Variants in JAKMIP3 observed in about 807,000 individuals in gnomAD.
The protein encoded by JAKMIP3 is Janus kinase and microtubule interacting protein 3, also known as janus kinase and microtubule-interacting protein 3.
Under a neutral mutation model 118.5 loss-of-function variants are expected in JAKMIP3, and 58 were observed. The observed-to-expected ratio is 0.49, with a 90% CI of 0.40 to 0.61. The LOEUF is 0.61. Ranked by LOEUF, JAKMIP3 falls within the 20% of genes least tolerant of loss-of-function variation. The pLI is 0.00. For missense variants in JAKMIP3, 950 were observed against 1,109.0 expected, an observed-to-expected ratio of 0.86 and a Z score of 2.04; for synonymous variants, 486 against 451.2, an observed-to-expected ratio of 1.08 and a Z score of -0.98.
chr10:132,138,015 G>A (rs756633633), intron 8 of JAKMIP3, 104 bp from the exon 9 acceptor site: 76 of 1,102,160 alleles, frequency 6.9e-5, no homozygotes, highest in Admixed American at 2.9e-4. Flanking sequence ...CCCAGACACC[G>A]TCTTCCCTGT....
rs146722402 is a variant in JAKMIP3, at chr10:132,117,467, A to G, written c.526A>G (p.Ile176Val). The change falls in exon 3 of 24, where the codon ATC (isoleucine) becomes GTC (valine). Residue 176 changes from isoleucine to valine, a missense_variant. Ile to Val is a conservative substitution (Grantham distance 29, BLOSUM62 3). Transcript: ENST00000684848. The surrounding 1 kb of genome is among the most constrained non-coding windows in gnomAD (Gnocchi z 8.6). ...RQVEEALTLV[I>V]QADKIKAAEI... The stretch of plus-strand genomic sequence containing the variant: ...GGTGGAGGAGGCGCTGACGCTGGTG[A>G]TCCAAGCGGACAAGATCAAGGCCGC... 8.5e-4 allele frequency: 1,371 copies of G among 1,613,828 alleles called. 12 individuals are homozygous for G. Among genetic ancestry groups the G allele is most frequent in the Middle Eastern group, 1.7e-4 (1 of 6,018 alleles).
intron 1 of JAKMIP3, among the ~76,000 whole-genome samples, chr10:132,059,061 G>C (rs1420423077): frequency 6.6e-6 from 1 of 152,260 alleles, no homozygotes; most frequent in East Asian, 1.9e-4. Context: ...GTCTGACTCT[G>C]AACAGCTGTT....
intron 1 of JAKMIP3, among the ~76,000 whole-genome samples, chr10:132,095,580 A>C (rs938568889): frequency 2.0e-5 from 3 of 152,206 alleles, no homozygotes; most frequent in Admixed American, 1.3e-4. Context: ...CAGGTCCTGC[A>C]GGAGCAATCT....
chr10:132,087,756 G>C (rs574197207), intron 1 of JAKMIP3, among the ~76,000 whole-genome samples: 2 of 151,044 alleles, frequency 1.3e-5, no homozygotes, highest in African/African-American at 4.9e-5. Flanking sequence ...TGTGCACAAC[G>C]TGCAGGTTAG....
chr10:132,093,807 A>G (rs2043444539), intron 1 of JAKMIP3, among the ~76,000 whole-genome samples: 1 of 152,004 alleles, frequency 6.6e-6, no homozygotes, highest in African/African-American at 2.4e-5. Context: ...AAATGCAGAA[A>G]TCACCCCCAT....
chr10:132,070,938 T>C (rs1173582235), intron 1 of JAKMIP3, among the ~76,000 whole-genome samples: 1 of 152,220 alleles, frequency 6.6e-6, no homozygotes, highest in South Asian at 2.1e-4. Context: ...TTTACTTTTC[T>C]TTTTTCTATG....
intron 16 of JAKMIP3, among the ~76,000 whole-genome samples, chr10:132,152,229 G>A (rs763583473): frequency 2.6e-4 from 39 of 152,320 alleles, no homozygotes; most frequent in South Asian, 1.0e-3. Context: ...TGGGGTTGGG[G>A]GACAGCAAGA....
rs1314068125 is a variant in JAKMIP3, at chr10:132,167,977, C to T, written c.*47C>T. The T allele has an allele frequency of 6.2e-6, 8 of 1,289,476 alleles. No homozygotes were observed. Among genetic ancestry groups the T allele is most frequent in the Middle Eastern group, 2.1e-4 (1 of 4,718 alleles). The allele number at this position is 1,289,476 out of a possible 1,614,324, so 79.9% of individuals were successfully genotyped here. ...GCCCCACATTGAATCGGACCCTTTT[C>T]CTCCAGTGGGACCAGAAAGCAGGGA... On this transcript the variant is annotated 3_prime_UTR_variant, in exon 23 of 24. Coordinates refer to ENST00000684848, the MANE Select transcript of JAKMIP3 (RefSeq NM_001323087.2).
At chr10:132,043,483 A>G (rs896536937) in intron 1 of JAKMIP3, among the ~76,000 whole-genome samples, 2 of 152,362 alleles carry the variant, frequency 1.3e-5, no homozygotes, top group Admixed American at 6.5e-5. Flanking sequence ...AGTCTGGTGC[A>G]GCACCGCAGA....
In JAKMIP3 at chr10:132,168,099, G is replaced by A. The variant is rs1394440646; in HGVS notation, c.*169G>A. On this transcript the variant is annotated 3_prime_UTR_variant, in exon 23 of 24. Transcript: ENST00000684848. ...GAAGAGTGAGAAGGGGCAGTGTGTG[G>A]GGCGTGGAGCTGCCGTCCACGTGGG... The A allele has an allele frequency of 7.8e-7, 1 of 1,289,208 alleles. No homozygotes were observed. The highest frequency in any genetic ancestry group is 1.5e-5 in the African/African-American group (1 of 65,844). 79.9% of individuals were successfully genotyped at this position (1,289,208 alleles called of 1,614,324 possible). A position where few individuals can be genotyped will look rare whatever the true frequency, so the allele number is the denominator to read the frequency against.
At chr10:132,052,606 G>C (rs1246861697) in intron 1 of JAKMIP3, among the ~76,000 whole-genome samples, 2 of 152,026 alleles carry the variant, frequency 1.3e-5, no homozygotes, top group African/African-American at 4.8e-5. Context: ...TTAATTCCAG[G>C]TAATTTGTTC....
At position 132,117,042 on chromosome 10, in the gene JAKMIP3, C is replaced by T. The variant is rs772533577; in HGVS notation, c.136-35C>T. 3.2e-6 allele frequency: 5 copies of T among 1,573,584 alleles called. No homozygotes were observed. In the East Asian group the frequency reaches 1.1e-4, roughly 35 times the overall value. ...GGTGTGAGTGTGTGCATGGCTGGAG[C>T]TCCTGCCACACTCAGTCTCGCTGTT... On this transcript the variant is annotated intron_variant, in intron 2 of 23. Transcript: ENST00000684848. This position sits in a 1 kb window ranked among gnomAD's most constrained non-coding sequence, Gnocchi z 8.6.
chr10:132,058,756 C>G (rs559027451), intron 1 of JAKMIP3, among the ~76,000 whole-genome samples: 1 of 152,232 alleles, frequency 6.6e-6, no homozygotes, highest in Non-Finnish European at 1.5e-5. Context: ...CCAGATGCTT[C>G]TCGACAGACG....
At chr10:132,182,240 C>G (rs1485631711) in intron 23 of JAKMIP3, 117 bp from the exon 24 acceptor site, 1 of 152,320 alleles carries the variant, frequency 6.6e-6, no homozygotes, top group Non-Finnish European at 1.5e-5. Context: ...CAGTGACCAT[C>G]CTGTGCAGAG....
chr10:132,109,680 T>C (rs891888217), intron 2 of JAKMIP3, among the ~76,000 whole-genome samples: 3 of 151,076 alleles, frequency 2.0e-5, no homozygotes, highest in African/African-American at 7.3e-5. Flanking sequence ...ATTCCATAAA[T>C]GGAATATCCC....
chr10:132,061,241 G>A (rs1038983556), upstream of JAKMIP3, among the ~76,000 whole-genome samples: 2 of 31,946 alleles, frequency 6.3e-5, no homozygotes, highest in Admixed American at 4.9e-4. Flanking sequence ...CTGCCGTGAC[G>A]GCGCACACAC....
intron 3 of JAKMIP3, among the ~76,000 whole-genome samples, chr10:132,126,300 T>C (rs938552032): frequency 6.7e-6 from 1 of 149,594 alleles, no homozygotes; most frequent in South Asian, 2.1e-4. Context: ...TTTTTGGCAA[T>C]ACTTTTTTTT....
intron 1 of JAKMIP3, among the ~76,000 whole-genome samples, chr10:132,096,835 C>G (rs562737535): frequency 6.6e-6 from 1 of 152,192 alleles, no homozygotes; most frequent in African/African-American, 2.4e-5. Context: ...ATGGCAGGGT[C>G]CCTGGGTTTT....
intron 16 of JAKMIP3, among the ~76,000 whole-genome samples, chr10:132,151,754 C>T (rs186446436): frequency 3.5e-4 from 53 of 152,222 alleles, no homozygotes; most frequent in African/African-American, 1.3e-3. Context: ...CCAAGAGTGC[C>T]ACTGAGTGTG....
Sources: gnomAD v4.1 joint callset for allele counts (sites outside exome capture counted in the v4.1 genomes callset) on GRCh38, gnomAD v4.1.1 for gene constraint, Gnocchi (gnomAD v3.1) non-coding constraint, MANE v1.5 for transcripts, NCBI Gene and HGNC (gene_info 2026-07-23, HGNC 2026-07-21) for gene names.